Variants in CTU1 observed in about 807,000 individuals in gnomAD.
CTU1 encodes the protein cytoplasmic tRNA 2-thiolation protein 1.
In CTU1, 15 loss-of-function variants were observed where a neutral mutation model predicts 12.9. The ratio of observed to expected loss-of-function variants is 1.16; its 90% CI spans 0.78 to 1.79. CTU1 has a LOEUF of 1.79. Ranked by LOEUF, CTU1 falls within the 40% of genes most tolerant of loss-of-function variation. CTU1 has a pLI of 0.00. For missense variants in CTU1, 553 were observed against 550.5 expected, an observed-to-expected ratio of 1.00 and a Z score of -0.05; for synonymous variants, 295 against 275.6, an observed-to-expected ratio of 1.07 and a Z score of -0.70.
At chr19:51,101,173 T>C (rs2091906459) in intron 2 of CTU1, among the ~76,000 whole-genome samples, 1 of 152,234 alleles carries the variant, frequency 6.6e-6, no homozygotes, top group South Asian at 2.1e-4. Flanking sequence ...TGAACTCCTC[T>C]GAGCTCAAGT....
chr19:51,105,355 C>G (rs1394004317), intron 1 of CTU1, among the ~76,000 whole-genome samples: 1 of 152,140 alleles, frequency 6.6e-6, no homozygotes, highest in East Asian at 1.9e-4. Flanking sequence ...TGTGCTCTCA[C>G]CAAGACATGG....
Position 51,099,041 on chromosome 19 carries a change from C to G in CTU1, c.607G>C (p.Glu203Gln), listed in dbSNP as rs12983578. The change falls in exon 3 of 3, where the codon GAG (glutamate) becomes CAG (glutamine). Residue 203 changes from glutamate to glutamine, a missense_variant. Physicochemically the swap from Glu to Gln is conservative, Grantham distance 29. Around this residue, in one of 2 missense-constraint regions of CTU1, gnomAD observed 500 missense variants for 458.5 expected, o/e 1.09. Coordinates refer to ENST00000421832, the MANE Select transcript of CTU1 (RefSeq NM_145232.4). ...ARGGGLGSPG[E>Q]GGALPRCRPL... Reference sequence around the variant, plus strand: ...CGGCAGCGCGGCAGGGCGCCCCCCTCGCCGGGAGAGCCCAGGCCCCCGCCC... The same window carrying G: ...CGGCAGCGCGGCAGGGCGCCCCCCTGGCCGGGAGAGCCCAGGCCCCCGCCC... 0.15 allele frequency: 227,536 copies of G among 1,510,480 alleles called. 19,148 individuals are homozygous for G. The highest frequency in any genetic ancestry group is 0.17 in the Non-Finnish European group (193,750 of 1,133,324). The allele number at this position is 1,510,480 out of a possible 1,614,324, so 93.6% of individuals were successfully genotyped here.
intron 2 of CTU1, among the ~76,000 whole-genome samples, chr19:51,102,433 A>G (rs1277432792): frequency 6.6e-6 from 1 of 152,244 alleles, no homozygotes; most frequent in Non-Finnish European, 1.5e-5. Flanking sequence ...CAGTGAATGA[A>G]GCTCAGTAAG....
rs767998100 is a variant in CTU1 at position 51,104,085 on chromosome 19, A to G, written c.485T>C (p.Val162Ala). 2.0e-6 allele frequency: 3 copies of G among 1,464,712 alleles called. No homozygotes were observed. Among genetic ancestry groups the G allele is most frequent in the African/African-American group, 3.0e-5 (2 of 67,542 alleles). 90.7% of individuals were successfully genotyped at this position (1,464,712 alleles called of 1,614,324 possible). A position where few individuals can be genotyped will look rare whatever the true frequency, so the allele number is the denominator to read the frequency against. ...ACCTGTCACGATGTGCGTGGCTCCC[A>G]CGCGGCGCGCCCCTTCCTCCAGCGC... ...RRALEEGARR[V>A]GATHIVTGHN... is the part of the protein sequence containing the mutation. Residue 162 changes from valine (V) to alanine (A), a missense_variant, in exon 2 of 3, where the codon GTG becomes GCG. Physicochemically the swap from Val to Ala is moderately conservative, Grantham distance 64 (BLOSUM62 0). Transcript: ENST00000421832.
rs1171827961 is a variant in CTU1, at chr19:51,097,684, G to A, written c.*917C>T. 2 of 146,208 alleles carry A rather than the reference G, an allele frequency of 1.4e-5. No homozygotes were observed. The highest frequency in any genetic ancestry group is 2.5e-5 in the African/African-American group (1 of 39,626). 9.1% of individuals were successfully genotyped at this position (146,208 alleles called of 1,614,324 possible). A position where few individuals can be genotyped will look rare whatever the true frequency, so the allele number is the denominator to read the frequency against. ...TCCCAGTGGTGCCTTGATGCGGGGG[G>A]GATGGGGGGGCGGGGGGGAAGGGGG... On this transcript the variant is annotated 3_prime_UTR_variant, in exon 3 of 3. Transcript: ENST00000421832.
chr19:51,100,065 T>A (rs116205022), intron 2 of CTU1, among the ~76,000 whole-genome samples: 1 of 151,106 alleles, frequency 6.6e-6, no homozygotes, highest in Admixed American at 6.6e-5. Flanking sequence ...TCTGGCACCA[T>A]AGGACAGCCA....
chr19:51,099,025 G>C lies in CTU1; in HGVS notation c.623C>G (p.Pro208Arg). 1 of 1,512,102 alleles carries C rather than the reference G, an allele frequency of 6.6e-7. No individual in the cohort carries two copies. Among genetic ancestry groups the C allele is most frequent in the South Asian group, 1.2e-5 (1 of 83,254 alleles). The allele number at this position is 1,512,102 out of a possible 1,614,324, so 93.7% of individuals were successfully genotyped here. ...LGSPGEGGAL[P>R]RCRPLQFASQ... Reference sequence around the variant, plus strand: ...GGCGAACTGCAGCGGGCGGCAGCGCGGCAGGGCGCCCCCCTCGCCGGGAGA... The same window carrying C: ...GGCGAACTGCAGCGGGCGGCAGCGCCGCAGGGCGCCCCCCTCGCCGGGAGA... Residue 208 changes from proline (P) to arginine (R), a missense_variant, in exon 3 of 3, where the codon CCG becomes CGG. Around this residue, in one of 2 missense-constraint regions of CTU1, gnomAD observed 500 missense variants for 458.5 expected, o/e 1.09. Coordinates refer to ENST00000421832, the MANE Select transcript of CTU1 (RefSeq NM_145232.4).
At chr19:51,107,163 G>C (rs2122802402) in intron 1 of CTU1, among the ~76,000 whole-genome samples, 1 of 152,316 alleles carries the variant, frequency 6.6e-6, no homozygotes, top group South Asian at 2.1e-4. Context: ...AGCCTCATAG[G>C]CCATGATGTG....
rs1319181057 is a variant in CTU1 at position 51,097,741 on chromosome 19, T to C, written c.*860A>G. 1.3e-5 allele frequency: 2 copies of C among 151,856 alleles called. No homozygotes were observed. Among genetic ancestry groups the C allele is most frequent in the Admixed American group, 6.6e-5 (1 of 15,256 alleles). The allele number at this position is 151,856 out of a possible 1,614,324, so 9.4% of individuals were successfully genotyped here. A position where few individuals can be genotyped will look rare whatever the true frequency, so the allele number is the denominator to read the frequency against. Reference sequence around the variant, plus strand: ...ATATTTTCATAGGAGAAATGGGACATGAAAGAGGCTAAGTCACCGACAGGC... The same window carrying C: ...ATATTTTCATAGGAGAAATGGGACACGAAAGAGGCTAAGTCACCGACAGGC... On this transcript the variant is annotated 3_prime_UTR_variant, in exon 3 of 3. Transcript: ENST00000421832.
chr19:51,103,415 C>G (rs1056122875), intron 2 of CTU1, among the ~76,000 whole-genome samples: 3 of 152,092 alleles, frequency 2.0e-5, no homozygotes, highest in Admixed American at 6.5e-5. Flanking sequence ...GAAACCCCGT[C>G]TCTACTAAAA....
intron 2 of CTU1, among the ~76,000 whole-genome samples, chr19:51,102,540 C>T (rs981807593): frequency 6.6e-6 from 1 of 152,204 alleles, no homozygotes; most frequent in Non-Finnish European, 1.5e-5. Context: ...TGATTCTCTC[C>T]AACCATCATC....
In CTU1 at chr19:51,104,158, C is replaced by T; in HGVS notation, c.412G>A (p.Gly138Ser). 6.6e-7 allele frequency: 1 copy of T among 1,517,296 alleles called. No homozygotes were observed. The highest frequency in any genetic ancestry group is 2.6e-5 in the East Asian group (1 of 38,782). 94.0% of individuals were successfully genotyped at this position (1,517,296 alleles called of 1,614,324 possible). Residue 138 changes from glycine to serine, a missense_variant, in exon 2 of 3, where the codon GGC (glycine) becomes AGC (serine). Physicochemically the swap from Gly to Ser is moderately conservative, Grantham distance 56 (BLOSUM62 0). Transcript: ENST00000421832. ...DAVARSTAGS[G>S]RSRSCCTFCG... Reference sequence around the variant, plus strand: ...AAGGTGCAGCAGGAGCGGCTGCGGCCGGAGCCGGCTGTGCTGCGGGCCACG... The same window carrying T: ...AAGGTGCAGCAGGAGCGGCTGCGGCTGGAGCCGGCTGTGCTGCGGGCCACG...
At chr19:51,107,866 C>T (rs1220701164) in intron 1 of CTU1, among the ~76,000 whole-genome samples, 1 of 152,178 alleles carries the variant, frequency 6.6e-6, no homozygotes, top group African/African-American at 2.4e-5. Context: ...CAGAGCTGCC[C>T]TGATCCTGAC....
Position 51,104,315 on chromosome 19 carries a change from C to T in CTU1, c.255G>A (p.Val85=), listed in dbSNP as rs1304336146. 4 of 1,490,122 alleles carry T rather than the reference C, an allele frequency of 2.7e-6. No individual in the cohort carries two copies. The Admixed American group carries it at 8.6e-5, about 32-fold the overall frequency. 92.3% of individuals were successfully genotyped at this position (1,490,122 alleles called of 1,614,324 possible). Residue 85 remains valine, a synonymous_variant, in exon 2 of 3, where the codon GTG becomes GTA. Coordinates refer to ENST00000421832, the MANE Select transcript of CTU1 (RefSeq NM_145232.4). Reference sequence around the variant, plus strand: ...AGCCACCGATGCCCTCATCGACGGCCACGAGCTGCAGTGAGATGCCCAGGC... The same window carrying T: ...AGCCACCGATGCCCTCATCGACGGCTACGAGCTGCAGTGAGATGCCCAGGC... The part of the protein sequence containing the change: ...APRLGISLQL[V]AVDEGIGGYR...
At chr19:51,107,322 C>T (rs945492261) in intron 1 of CTU1, among the ~76,000 whole-genome samples, 9 of 152,142 alleles carry the variant, frequency 5.9e-5, no homozygotes, top group African/African-American at 1.9e-4. Context: ...AAATTAGCTG[C>T]ACCTGGTGGC....
At chr19:51,105,030 C>T (rs1459764041) in intron 1 of CTU1, among the ~76,000 whole-genome samples, 1 of 152,128 alleles carries the variant, frequency 6.6e-6, no homozygotes, top group Non-Finnish European at 1.5e-5. Context: ...CTGTTAAAAG[C>T]CCTTGGGAGG....
At chr19:51,107,184 T>G (rs762082242) in intron 1 of CTU1, among the ~76,000 whole-genome samples, 1 of 151,998 alleles carries the variant, frequency 6.6e-6, no homozygotes, top group African/African-American at 2.4e-5. Context: ...GAATTTTAGG[T>G]TTATTCAGGA....
chr19:51,102,046 C>G (rs2091908235), intron 2 of CTU1, among the ~76,000 whole-genome samples: 1 of 152,156 alleles, frequency 6.6e-6, no homozygotes, highest in Admixed American at 6.5e-5. Context: ...CTCTGTCACC[C>G]AGGCTGGAGT....
intron 2 of CTU1, among the ~76,000 whole-genome samples, chr19:51,100,012 C>T (rs1239528005): frequency 6.6e-6 from 1 of 151,800 alleles, no homozygotes; most frequent in Non-Finnish European, 1.5e-5. Flanking sequence ...GCAGCCAGGA[C>T]CCAGAGAGAG....
Sources: allele counts gnomAD v4.1 joint callset (sites outside exome capture counted in the v4.1 genomes callset), GRCh38; gene constraint gnomAD v4.1.1; regional missense constraint gnomAD v4.1.1; transcripts MANE v1.5; gene names NCBI Gene and HGNC (gene_info 2026-07-23, HGNC 2026-07-21).